Variants in BPTF observed in about 807,000 individuals in gnomAD.
BPTF encodes bromodomain PHD finger transcription factor, also known as nucleosome-remodeling factor subunit BPTF.
A neutral mutation model predicts 292.5 loss-of-function variants in BPTF; 18 were observed. The observed-to-expected ratio is 0.06, with a 90% confidence interval of 0.04 to 0.09. The LOEUF is 0.09. Among genes scored for constraint, BPTF ranks in the 10% least tolerant of loss-of-function variants. The pLI, the probability that BPTF is intolerant of heterozygous loss-of-function variation, is 1.00. For missense variants in BPTF, 2,726 were observed against 3,498.7 expected (o/e 0.78, Z 5.57); for synonymous variants, 1,225 against 1,251.9 (o/e 0.98, Z 0.45).
At position 67,945,782 on chromosome 17, in the gene BPTF, A is replaced by C; in HGVS notation, c.7074A>C (p.Gln2358His). 1 of 1,614,076 alleles carries C rather than the reference A, an allele frequency of 6.2e-7. No individual in the cohort carries two copies. The highest frequency in any genetic ancestry group is 8.5e-7 in the Non-Finnish European group (1 of 1,180,006). ...QTRIRPSTPS[Q>H]LSPGQQSQVQ... The stretch of plus-strand genomic sequence containing the variant: ...GAATACGTCCATCAACTCCATCCCA[A>C]CTGTCTCCTGGACAACAATCCCAGG... Residue 2358 changes from glutamine (Q) to histidine (H), a missense_variant, in exon 21 of 28, where the codon CAA (glutamine) becomes CAC (histidine). Around this residue, in one of 22 missense-constraint regions of BPTF, gnomAD observed 570 missense variants for 633.5 expected, o/e 0.90. Transcript: ENST00000306378.
At chr17:67,904,115 G>A (rs928315702) in intron 8 of BPTF, among the ~76,000 whole-genome samples, 197 bp downstream of exon 8, 5 of 152,228 alleles carry the variant, frequency 3.3e-5, no homozygotes, top group East Asian at 3.9e-4. Flanking sequence ...TACAGCCTCC[G>A]CCTCCTGGGT....
chr17:67,912,870 A>G lies in BPTF; in HGVS notation c.4986A>G (p.Thr1662=), dbSNP rs1289755792. Residue 1662 remains threonine (T), a synonymous_variant, in exon 11 of 28, where the codon ACA becomes ACG. Coordinates refer to ENST00000306378, the MANE Select transcript of BPTF (RefSeq NM_182641.4). ...QSKTVVTTTV[T]DSLTTTGGTL... ...AAACCGTGGTCACCACGACAGTGAC[A>G]GACTCCCTGACCACCACGGGAGGCA... 7 of 1,614,098 alleles carry G rather than the reference A, an allele frequency of 4.3e-6. No individual in the cohort carries two copies. Among genetic ancestry groups the G allele is most frequent in the Admixed American group, 1.7e-5 (1 of 60,008 alleles).
At chr17:67,878,984 T>TC (rs1451207836) in intron 4 of BPTF, among the ~76,000 whole-genome samples, 1 of 152,174 alleles carries the variant, frequency 6.6e-6, no homozygotes, top group African/African-American at 2.4e-5. Flanking sequence ...GCATTTACTT[T>TC]CATGAGTAAA....
chr17:67,854,502 T>C lies in BPTF; in HGVS notation c.1176T>C (p.His392=), dbSNP rs761621400. The change falls in exon 2 of 28, where the codon CAT becomes CAC. Residue 392 remains histidine, a synonymous_variant. Coordinates refer to ENST00000306378, the MANE Select transcript of BPTF (RefSeq NM_182641.4). The surrounding 1 kb of genome is among the most constrained non-coding windows in gnomAD (Gnocchi z 5.6). ...AAGGGGTGATACAGTATGATGACCA[T>C]TGTAGGGTTTGTCACAAACTTGGGG... The part of the protein sequence containing the change: ...MSEGVIQYDD[H]CRVCHKLGDL... 9 of 1,614,018 alleles carry C rather than the reference T, an allele frequency of 5.6e-6. No individual in the cohort carries two copies. The East Asian group carries it at 2.0e-4, about 36-fold the overall frequency.
At chr17:67,928,042 C>T (rs1734859038) in intron 15 of BPTF, among the ~76,000 whole-genome samples, 1 of 152,068 alleles carries the variant, frequency 6.6e-6, no homozygotes, top group Admixed American at 6.6e-5. Flanking sequence ...AGCCAGAATG[C>T]TCAGCTCATT....
intron 27 of BPTF, among the ~76,000 whole-genome samples, chr17:67,980,415 T>C (rs2070202567): frequency 1.3e-5 from 2 of 152,198 alleles, no homozygotes. Flanking sequence ...GGATTTCAGA[T>C]GGAGTTAAGG....
At chr17:67,925,390 A>G (rs1244330976) in intron 15 of BPTF, among the ~76,000 whole-genome samples, 1 of 152,188 alleles carries the variant, frequency 6.6e-6, no homozygotes, top group Non-Finnish European at 1.5e-5. Context: ...ATGGCCAGGC[A>G]CAGTGGCTCA....
chr17:67,976,211 G>T (rs140490508), intron 27 of BPTF: 2 of 255,644 alleles, frequency 7.8e-6, no homozygotes, highest in Non-Finnish European at 1.5e-5. Flanking sequence ...AGTGGCTCAC[G>T]CCTGTAATCC....
chr17:67,953,951 CTTTTCTTTTCTTTTT>C (rs2066647441), intron 23 of BPTF, among the ~76,000 whole-genome samples: 1 of 75,414 alleles, frequency 1.3e-5, no homozygotes, highest in Non-Finnish European at 2.7e-5. Context: ...TTTTCTTTTT[CTTTTCTTTTCTTTTT>C]TTTTTTTTTT....
intron 18 of BPTF, 58 bp from the exon 19 acceptor site, chr17:67,940,381 C>A: frequency 6.9e-7 from 1 of 1,444,090 alleles, no homozygotes; most frequent in Non-Finnish European, 9.6e-7. Context: ...TGAATTATTT[C>A]AATTCAAAAT....
chr17:67,905,499 G>A (rs927828256), intron 9 of BPTF, among the ~76,000 whole-genome samples: 1 of 152,088 alleles, frequency 6.6e-6, no homozygotes, highest in Admixed American at 6.5e-5. Context: ...TTGAGGCCAG[G>A]AGTTCAAGGC....
chr17:67,971,425 G>T (rs1414238418), intron 26 of BPTF, among the ~76,000 whole-genome samples: 1 of 151,776 alleles, frequency 6.6e-6, no homozygotes, highest in Admixed American at 6.6e-5. Context: ...AGGCAAGGTG[G>T]CTCATCACTG....
At chr17:67,926,930 T>C (rs1327978530) in intron 15 of BPTF, among the ~76,000 whole-genome samples, 1 of 152,128 alleles carries the variant, frequency 6.6e-6, no homozygotes, top group Non-Finnish European at 1.5e-5. Flanking sequence ...TTTCTTTCTT[T>C]TTTTAACTGA....
At chr17:67,978,327 C>T (rs1166890380) in intron 27 of BPTF, among the ~76,000 whole-genome samples, 2 of 141,420 alleles carry the variant, frequency 1.4e-5, no homozygotes, top group African/African-American at 2.6e-5. Context: ...GAGACAGAGT[C>T]TCACTCTGTT....
intron 1 of BPTF, among the ~76,000 whole-genome samples, chr17:67,835,718 T>A (rs961523369): frequency 5.4e-5 from 8 of 149,414 alleles, no homozygotes; most frequent in Non-Finnish European, 8.9e-5. Flanking sequence ...CAGGCTGGAG[T>A]GCGGTGGCGC....
At chr17:67,944,103 C>G (rs367677602) in intron 19 of BPTF, 47 bp from the exon 20 acceptor site, 1 of 1,375,620 alleles carries the variant, frequency 7.3e-7, no homozygotes, top group Non-Finnish European at 1.0e-6. Context: ...GATATACATA[C>G]AGATTGATGC....
At chr17:67,964,119 C>A in intron 24 of BPTF, 93 bp from the exon 25 acceptor site, 1 of 1,271,566 alleles carries the variant, frequency 7.9e-7, no homozygotes, top group East Asian at 2.4e-5. Flanking sequence ...TATTTTATAT[C>A]CCAGGGTTTA....
chr17:67,921,670 GA>G (rs1446323217), intron 13 of BPTF, among the ~76,000 whole-genome samples: 2 of 152,168 alleles, frequency 1.3e-5, no homozygotes, highest in Non-Finnish European at 1.5e-5. Flanking sequence ...TCTTCTTGGA[GA>G]ATAACCTTTT....
intron 27 of BPTF, chr17:67,981,346 G>A: frequency 5.3e-6 from 2 of 373,986 alleles, no homozygotes; most frequent in South Asian, 3.8e-5. Flanking sequence ...CCCATTTTAT[G>A]ATCTCCAGCA....
Sources: allele counts gnomAD v4.1 joint callset (sites outside exome capture counted in the v4.1 genomes callset), GRCh38; gene constraint gnomAD v4.1.1; regional missense constraint gnomAD v4.1.1; non-coding constraint Gnocchi (gnomAD v3.1); transcripts MANE v1.5; gene names NCBI Gene and HGNC (gene_info 2026-07-23, HGNC 2026-07-21).